SETD1A: variants seen among roughly 807,000 people sequenced by gnomAD.
SETD1A encodes histone-lysine N-methyltransferase SETD1A.
A neutral mutation model predicts 149.9 loss-of-function variants in SETD1A; 29 were observed. That is an observed-to-expected ratio of 0.19 (90% CI 0.14 to 0.26). The LOEUF (loss-of-function observed/expected upper bound fraction) is 0.26. Among genes scored for constraint, SETD1A ranks in the 10% least tolerant of loss-of-function variants. The pLI, the probability that SETD1A is intolerant of heterozygous loss-of-function variation, is 1.00. For missense variants in SETD1A, 2,109 were observed against 2,353.1 expected, an observed-to-expected ratio of 0.90 and a Z score of 2.15; for synonymous variants, 1,141 against 968.5, an observed-to-expected ratio of 1.18 and a Z score of -3.31.
Position 30,971,520 on chromosome 16 carries a change from G to C in SETD1A, c.3159G>C (p.Ser1053=). The C allele has an allele frequency of 1.2e-6, 2 of 1,613,508 alleles. No individual in the cohort carries two copies. The highest frequency in any genetic ancestry group is 1.1e-5 in the South Asian group (1 of 91,046). ...SSSSSSSSSS[S]SSSSSESSSE... ...CCTCCTCCTCGTCCTCATCCTCCTC[G>C]TCCTCTTCATCCTCTGAGTCCTCCT... The change falls in exon 13 of 19, where the codon TCG becomes TCC. Residue 1053 remains serine, a synonymous_variant. Coordinates refer to ENST00000262519, the MANE Select transcript of SETD1A (RefSeq NM_014712.3).
intron 1 of SETD1A, chr16:30,958,376 C>G: frequency 5.5e-6 from 1 of 181,310 alleles, no homozygotes; most frequent in Non-Finnish European, 1.0e-5. Flanking sequence ...CGGCCCGGGC[C>G]GCTGGCCGGT....
intron 13 of SETD1A, among the ~76,000 whole-genome samples, chr16:30,975,067 G>A (rs909523478): frequency 6.6e-6 from 1 of 151,844 alleles, no homozygotes; most frequent in African/African-American, 2.4e-5. Flanking sequence ...GTAATCGCTT[G>A]AACCGGGGAA....
Position 30,961,256 on chromosome 16 carries a change from T to C in SETD1A, c.247-11T>C. On this transcript the variant is annotated splice_polypyrimidine_tract_variant and intron_variant, in intron 3 of 18. Transcript: ENST00000262519. The surrounding 1 kb of genome is among the most constrained non-coding windows in gnomAD (Gnocchi z 4.0). Reference sequence around the variant, plus strand: ...GTTGAGACCCCATACCAACTCCTGTTCTTTCCCCAGCTGGACGAGTTCTAT... The same window carrying C: ...GTTGAGACCCCATACCAACTCCTGTCCTTTCCCCAGCTGGACGAGTTCTAT... 2 of 1,614,030 alleles carry C rather than the reference T, an allele frequency of 1.2e-6. No homozygotes were observed. The highest frequency in any genetic ancestry group is 1.7e-6 in the Non-Finnish European group (2 of 1,179,932).
At position 30,961,185 on chromosome 16, in the gene SETD1A, T is replaced by C. The variant is rs1408661310; in HGVS notation, c.247-82T>C. On this transcript the variant is annotated intron_variant, in intron 3 of 18. Coordinates refer to ENST00000262519, the MANE Select transcript of SETD1A (RefSeq NM_014712.3). This position sits in a 1 kb window ranked among gnomAD's most constrained non-coding sequence, Gnocchi z 4.0. Reference sequence around the variant, plus strand: ...TTCCCGGATCTCTCTCTTGACTTCATGGAGCTTGCTAAAGTTTCCCGAAGG... The same window carrying C: ...TTCCCGGATCTCTCTCTTGACTTCACGGAGCTTGCTAAAGTTTCCCGAAGG... 2.8e-6 allele frequency: 4 copies of C among 1,424,050 alleles called. No homozygotes were observed. The highest frequency in any genetic ancestry group is 2.4e-5 in the South Asian group (2 of 82,510). 88.2% of individuals were successfully genotyped at this position (1,424,050 alleles called of 1,614,324 possible).
chr16:30,983,622 C>T lies in SETD1A; in HGVS notation c.4813-13C>T, dbSNP rs1224009351. 1.2e-6 allele frequency: 2 copies of T among 1,610,090 alleles called. No homozygotes were observed. Among genetic ancestry groups the T allele is most frequent in the Non-Finnish European group, 1.7e-6 (2 of 1,178,994 alleles). ...GGGGACTCTTCCCTGACCATCGCAT[C>T]TCACCCTGGCAGATGGTGGCCGACA... On this transcript the variant is annotated splice_polypyrimidine_tract_variant and intron_variant, in intron 17 of 18. Transcript: ENST00000262519. The surrounding 1 kb of genome is among the most constrained non-coding windows in gnomAD (Gnocchi z 6.8).
rs747637239 is a variant in SETD1A, at chr16:30,965,111, C to T, written c.1369C>T (p.Arg457Trp). ...GCCCAGCCCTGAGAGAGAAGAAGTT[C>T]GGACTTCCCCCCGCCCAGCCTCCCC... ...GGPSPEREEV[R>W]TSPRPASPAR... The change falls in exon 7 of 19, where the codon CGG becomes TGG. Residue 457 changes from arginine (R) to tryptophan (W), a missense_variant. This residue lies in a region of SETD1A where 410 missense variants were observed against 394.8 expected (regional missense o/e 1.04). Transcript: ENST00000262519. 1.1e-5 allele frequency: 17 copies of T among 1,611,550 alleles called. No homozygotes were observed. The highest frequency in any genetic ancestry group is 2.7e-5 in the African/African-American group (2 of 75,046).
Position 30,980,340 on chromosome 16 carries a change from A to G in SETD1A, c.4409-145A>G, listed in dbSNP as rs1341852444. ...CCTGGTGCCTCTTTTCTGCCTTCCA[A>G]AGCATTTCTGGCAGGAACGATGGGG... On this transcript the variant is annotated intron_variant, in intron 14 of 18. Coordinates refer to ENST00000262519, the MANE Select transcript of SETD1A (RefSeq NM_014712.3). This position sits in a 1 kb window ranked among gnomAD's most constrained non-coding sequence, Gnocchi z 7.7. The G allele has an allele frequency of 1.7e-5, 24 of 1,441,858 alleles. No homozygotes were observed. The highest frequency in any genetic ancestry group is 7.0e-5 in the East Asian group (3 of 42,906). 89.3% of individuals were successfully genotyped at this position (1,441,858 alleles called of 1,614,324 possible).
At chr16:30,979,052 G>C (rs1334572023) in intron 13 of SETD1A, 93 bp from the exon 14 acceptor site, 1 of 1,301,752 alleles carries the variant, frequency 7.7e-7, no homozygotes, top group Admixed American at 2.8e-5. Context: ...GGCGGAAGTG[G>C]GGGAGAGCAC....
rs371861151 is a variant in SETD1A, at chr16:30,984,138, G to A, written c.*115G>A. The A allele has an allele frequency of 2.4e-5, 25 of 1,046,892 alleles. No homozygotes were observed. Among genetic ancestry groups the A allele is most frequent in the Admixed American group, 1.5e-4 (5 of 33,400 alleles). 64.9% of individuals were successfully genotyped at this position (1,046,892 alleles called of 1,614,324 possible). A position where few individuals can be genotyped will look rare whatever the true frequency, so the allele number is the denominator to read the frequency against. On this transcript the variant is annotated 3_prime_UTR_variant, in exon 19 of 19. Coordinates refer to ENST00000262519, the MANE Select transcript of SETD1A (RefSeq NM_014712.3). The stretch of plus-strand genomic sequence containing the variant: ...GGCCCACATGCCCCCATCTCCAAGC[G>A]TGGGGTTGGGGGCCCCAAGCCCAGC...
intron 3 of SETD1A, among the ~76,000 whole-genome samples, chr16:30,960,985 C>T (rs868794286): frequency 6.6e-6 from 1 of 151,864 alleles, no homozygotes; most frequent in Non-Finnish European, 1.5e-5. Flanking sequence ...TCTGGTGATC[C>T]GTCCACCTCA....
chr16:30,963,538 G>C lies in SETD1A; in HGVS notation c.623G>C (p.Gly208Ala). Residue 208 changes from glycine (G) to alanine (A), a missense_variant, in exon 5 of 19, where the codon GGT becomes GCT. Around this residue, in one of 8 missense-constraint regions of SETD1A, gnomAD observed 410 missense variants for 394.8 expected, o/e 1.04. Coordinates refer to ENST00000262519, the MANE Select transcript of SETD1A (RefSeq NM_014712.3). Reference sequence around the variant, plus strand: ...CTGAGTGAGAAGTTCCAAGGCTCGGGTGCAGCCACTGAGACGGTGAGAAGT... The same window carrying C: ...CTGAGTGAGAAGTTCCAAGGCTCGGCTGCAGCCACTGAGACGGTGAGAAGT... ...KALSEKFQGSGAATETAESRR... is the reference protein window; with the variant it reads ...KALSEKFQGSAAATETAESRR... 6.2e-7 allele frequency: 1 copy of C among 1,612,942 alleles called. No homozygotes were observed. Among genetic ancestry groups the C allele is most frequent in the East Asian group, 2.2e-5 (1 of 44,806 alleles).
Position 30,979,872 on chromosome 16 carries a change from AGAG to A in SETD1A, c.4091_4093del (p.Glu1364del). 1 of 1,536,964 alleles carries A rather than the reference AGAG, an allele frequency of 6.5e-7. No homozygotes were observed. Among genetic ancestry groups the A allele is most frequent in the Non-Finnish European group, 8.7e-7 (1 of 1,147,366 alleles). ...TGCAGCAGCAGCGGGAGGAGGGCGA[AGAG>A]GAGGGGGAGGAAGAGGGGGAGGAAG... On this transcript the variant is annotated inframe_deletion, in exon 14 of 19. Coordinates refer to ENST00000262519, the MANE Select transcript of SETD1A (RefSeq NM_014712.3).
intron 13 of SETD1A, among the ~76,000 whole-genome samples, chr16:30,975,298 A>T (rs1688537640): frequency 6.6e-6 from 1 of 152,098 alleles, no homozygotes; most frequent in South Asian, 2.1e-4. Flanking sequence ...CGACAGAGCG[A>T]GACTTCGTCT....
intron 4 of SETD1A, among the ~76,000 whole-genome samples, chr16:30,962,577 G>A (rs995550916): frequency 1.3e-5 from 2 of 152,206 alleles, no homozygotes; most frequent in African/African-American, 2.4e-5. Flanking sequence ...ATTGTCTGGA[G>A]GAGGCAGCCA....
intron 11 of SETD1A, 25 bp downstream of exon 11, chr16:30,969,487 G>A (rs747194606): frequency 2.5e-6 from 4 of 1,600,150 alleles, no homozygotes; most frequent in Admixed American, 3.5e-5. Context: ...GCCGGCTCCT[G>A]GCCGAAGCCT....
At chr16:30,976,953 T>C (rs2056292439) in intron 13 of SETD1A, among the ~76,000 whole-genome samples, 1 of 151,292 alleles carries the variant, frequency 6.6e-6, no homozygotes, top group South Asian at 2.1e-4. Context: ...CTGTGTTTCT[T>C]CTCTTTTTTT....
chr16:30,979,576 G>A lies in SETD1A; in HGVS notation c.3790G>A (p.Ala1264Thr). ...AVLADLALTPARRGLPALPAV... is the reference protein window; with the variant it reads ...AVLADLALTPTRRGLPALPAV... ...CCTGGCCGACCTGGCCCTGACCCCT[G>A]CCCGGCGCGGGCTGCCTGCCCTGCC... Residue 1264 changes from alanine to threonine, a missense_variant, in exon 14 of 19, where the codon GCC becomes ACC. Coordinates refer to ENST00000262519, the MANE Select transcript of SETD1A (RefSeq NM_014712.3). 6.2e-7 allele frequency: 1 copy of A among 1,610,276 alleles called. No homozygotes were observed. Among genetic ancestry groups the A allele is most frequent in the South Asian group, 1.1e-5 (1 of 91,006 alleles).
Position 30,980,712 on chromosome 16 carries a change from ACCT to A in SETD1A, c.4582-21_4582-19del, listed in dbSNP as rs747248582. 17 of 1,610,774 alleles carry A rather than the reference ACCT, an allele frequency of 1.1e-5. No homozygotes were observed. The highest frequency in any genetic ancestry group is 6.7e-5 in the Admixed American group (4 of 59,900). Reference sequence around the variant, plus strand: ...TGCCACTCACTTCCCTGCCCTGCTCACCTCCTCCCTGCCGTGTGTCTCACAGGG... The same window carrying A: ...TGCCACTCACTTCCCTGCCCTGCTCACCTCCCTGCCGTGTGTCTCACAGGG... On this transcript the variant is annotated intron_variant, in intron 15 of 18. Transcript: ENST00000262519. This position sits in a 1 kb window ranked among gnomAD's most constrained non-coding sequence, Gnocchi z 7.7.
Position 30,969,379 on chromosome 16 carries a change from G to A in SETD1A, c.2845G>A (p.Gly949Ser), listed in dbSNP as rs373299816. Reference sequence around the variant, plus strand: ...GCCCCCGAAGCGGGACGAAGAGCGAGGCAAGACCCAGGGCAAGCACCGCAA... The same window carrying A: ...GCCCCCGAAGCGGGACGAAGAGCGAAGCAAGACCCAGGGCAAGCACCGCAA... ...TKPPKRDEERGKTQGKHRKSF... is the reference protein window; with the variant it reads ...TKPPKRDEERSKTQGKHRKSF... The change falls in exon 11 of 19, where the codon GGC becomes AGC. Residue 949 changes from glycine (G) to serine (S), a missense_variant. Transcript: ENST00000262519. The A allele has an allele frequency of 1.9e-6, 3 of 1,614,176 alleles. No homozygotes were observed. The highest frequency in any genetic ancestry group is 2.5e-6 in the Non-Finnish European group (3 of 1,180,020).
Sources: gnomAD v4.1 joint callset for allele counts (sites outside exome capture counted in the v4.1 genomes callset) on GRCh38, gnomAD v4.1.1 for gene constraint, gnomAD v4.1.1 regional missense constraint, Gnocchi (gnomAD v3.1) non-coding constraint, MANE v1.5 for transcripts, NCBI Gene and HGNC (gene_info 2026-07-23, HGNC 2026-07-21) for gene names.